Variants in SETD2 observed in about 807,000 individuals in gnomAD.
SETD2 encodes histone-lysine N-methyltransferase SETD2.
A neutral mutation model predicts 242.1 loss-of-function variants in SETD2; 31 were observed. That is an observed-to-expected ratio of 0.13 (90% CI 0.10 to 0.17). The LOEUF is 0.17. Among genes scored for constraint, SETD2 ranks in the 10% least tolerant of loss-of-function variants. SETD2 has a pLI of 1.00. For synonymous variants in SETD2, 1,006 were observed against 1,066.5 expected (o/e 0.94, Z 1.11); for missense variants, 2,481 against 3,046.3 (o/e 0.81, Z 4.37).
At position 47,160,099 on chromosome 3, in the gene SETD2, C is replaced by T. The variant is rs889316046; in HGVS notation, c.71+3755G>A. 2.6e-5 allele frequency among the ~76,000 whole-genome samples: 4 copies of T among 152,168 alleles called. No homozygotes were observed. In the South Asian group the frequency reaches 8.3e-4, roughly 32 times the overall value. On this transcript the variant is annotated intron_variant, in intron 1 of 20. Transcript: ENST00000409792. ...TCTGCCTCAACACCTTGAAACTATTCCCTCTTATTGAAATGCCTTCACCCC... is the reference window on the plus strand; with the variant it reads ...TCTGCCTCAACACCTTGAAACTATTTCCTCTTATTGAAATGCCTTCACCCC...
At chr3:47,061,750 CAAG>C (rs1302503536) in intron 14 of SETD2, among the ~76,000 whole-genome samples, 2 of 152,128 alleles carry the variant, frequency 1.3e-5, no homozygotes, top group African/African-American at 2.4e-5. Context: ...ACCAGCATAA[CAAG>C]AGAGCTTCTG....
rs989809594 is a variant in SETD2, at chr3:47,017,920, A to G, written c.7432-181T>C. On this transcript the variant is annotated intron_variant, in intron 19 of 20. Coordinates refer to ENST00000409792, the MANE Select transcript of SETD2 (RefSeq NM_014159.7). The surrounding 1 kb of genome is among the most constrained non-coding windows in gnomAD (Gnocchi z 4.8). Reference sequence around the variant, plus strand: ...AGCCAGTAAGATCTGAGAAAAGGATACGGGCTCAGCCTGAGAGGGAAAGAG... The same window carrying G: ...AGCCAGTAAGATCTGAGAAAAGGATGCGGGCTCAGCCTGAGAGGGAAAGAG... 1.3e-5 allele frequency among the ~76,000 whole-genome samples: 2 copies of G among 152,238 alleles called. No homozygotes were observed. Among genetic ancestry groups the G allele is most frequent in the African/African-American group, 4.8e-5 (2 of 41,472 alleles).
chr3:47,098,154 A>G lies in SETD2; in HGVS notation c.5016-73T>C, dbSNP rs1380002987. The G allele has an allele frequency of 1.6e-5, 25 of 1,527,574 alleles. No homozygotes were observed. The South Asian group carries it at 2.7e-4, about 17-fold the overall frequency. 94.6% of individuals were successfully genotyped at this position (1,527,574 alleles called of 1,614,324 possible). ...TACAAAACTGTTGGCAATACACACA[A>G]AAGTCATACCAGTCTAAACAAAATC... On this transcript the variant is annotated intron_variant, in intron 8 of 20. Transcript: ENST00000409792.
chr3:47,086,851 T>A, intron 10 of SETD2, among the ~76,000 whole-genome samples: 1 of 151,176 alleles, frequency 6.6e-6, no homozygotes, highest in Non-Finnish European at 1.5e-5. Flanking sequence ...CTGGGCAAAA[T>A]AGCAAGACCC....
At position 47,016,834 on chromosome 3, in the gene SETD2, G is replaced by C. The variant is rs1184064126; in HGVS notation, c.*259C>G. On this transcript the variant is annotated 3_prime_UTR_variant, in exon 21 of 21. Coordinates refer to ENST00000409792, the MANE Select transcript of SETD2 (RefSeq NM_014159.7). ...AGACCCAGGTTTAAGAGTGGAGTCAGGTCTGGCCAGGGTCTTTTCTAAGCC... is the reference window on the plus strand; with the variant it reads ...AGACCCAGGTTTAAGAGTGGAGTCACGTCTGGCCAGGGTCTTTTCTAAGCC... 2.2e-6 allele frequency: 1 copy of C among 458,700 alleles called. No homozygotes were observed. Among genetic ancestry groups the C allele is most frequent in the Non-Finnish European group, 3.9e-6 (1 of 255,060 alleles). 28.4% of individuals were successfully genotyped at this position (458,700 alleles called of 1,614,324 possible).
intron 1 of SETD2, among the ~76,000 whole-genome samples, chr3:47,128,584 G>A (rs1295575339): frequency 6.6e-6 from 1 of 152,130 alleles, no homozygotes; most frequent in Non-Finnish European, 1.5e-5. Context: ...ACCAAGTAAT[G>A]ACAGGGGGAG....
intron 18 of SETD2, among the ~76,000 whole-genome samples, chr3:47,029,965 G>A (rs886254889): frequency 6.6e-6 from 1 of 152,046 alleles, no homozygotes; most frequent in Non-Finnish European, 1.5e-5. Flanking sequence ...AGACCAGCCT[G>A]GCCAACAGGG....
At chr3:47,149,536 T>C (rs1002566659) in intron 1 of SETD2, among the ~76,000 whole-genome samples, 6 of 152,206 alleles carry the variant, frequency 3.9e-5, no homozygotes, top group Non-Finnish European at 8.8e-5. Flanking sequence ...TCATCCTCTC[T>C]CTGTATCCTC....
rs1008367510 is a variant in SETD2 at position 47,163,605 on chromosome 3, C to T, written c.71+249G>A. The T allele has an allele frequency of 2.0e-3, 392 of 200,774 alleles. 2 individuals are homozygous for T. Among genetic ancestry groups the T allele is most frequent in the Non-Finnish European group, 2.9e-3 (297 of 101,344 alleles). 12.4% of individuals were successfully genotyped at this position (200,774 alleles called of 1,614,324 possible). ...GGGACCGTGGCCGCCCCTCCCCCAC[C>T]GGCCCGGCCCAACCGCCGCCGCGAC... is the stretch of plus-strand genomic sequence containing the variant. On this transcript the variant is annotated intron_variant, in intron 1 of 20. Coordinates refer to ENST00000409792, the MANE Select transcript of SETD2 (RefSeq NM_014159.7).
intron 1 of SETD2, among the ~76,000 whole-genome samples, chr3:47,152,684 C>A (rs1036452246): frequency 6.6e-6 from 1 of 152,140 alleles, no homozygotes; most frequent in Non-Finnish European, 1.5e-5. Flanking sequence ...GTGTTGATTA[C>A]GATAATAGTC....
chr3:47,046,546 G>C lies in SETD2; in HGVS notation c.7039C>G (p.Gln2347Glu), dbSNP rs1024557543. The C allele has an allele frequency of 5.0e-6, 8 of 1,613,180 alleles. No individual in the cohort carries two copies. The highest frequency in any genetic ancestry group is 1.3e-5 in the African/African-American group (1 of 74,894). Residue 2347 changes from glutamine to glutamate, a missense_variant, in exon 16 of 21, where the codon CAG becomes GAG. Gln to Glu is a conservative substitution (Grantham distance 29, BLOSUM62 2). Around this residue, in one of 17 missense-constraint regions of SETD2, gnomAD observed 235 missense variants for 293.9 expected, o/e 0.80. Coordinates refer to ENST00000409792, the MANE Select transcript of SETD2 (RefSeq NM_014159.7). ...ATTGTAGTCACTGCTGCGGCTGGCT[G>C]TACCACCACTCCTTGTGGATGAGCT... ...FTAHPQGVVV[Q>E]PAAAVTTIVA...
Position 47,121,213 on chromosome 3 carries a change from C to A in SETD2, c.3423G>T (p.Pro1141=), listed in dbSNP as rs748281167. 4 of 1,614,070 alleles carry A rather than the reference C, an allele frequency of 2.5e-6. No homozygotes were observed. The highest frequency in any genetic ancestry group is 3.4e-6 in the Non-Finnish European group (4 of 1,179,972). ...FFLHKGTEKN[P]EISFTQSSRK... is the part of the protein sequence containing the mutation. ...TACTGGACTGTGTAAAAGAAATTTC[C>A]GGATTCTTCTCTGTTCCTTTATGAA... The change falls in exon 3 of 21, where the codon CCG becomes CCT. Residue 1141 remains proline, a synonymous_variant. Transcript: ENST00000409792.
chr3:47,018,133 A>G (rs1025269495), intron 19 of SETD2, among the ~76,000 whole-genome samples: 4 of 152,212 alleles, frequency 2.6e-5, no homozygotes, highest in Admixed American at 6.5e-5. Flanking sequence ...CAGAGCTTCT[A>G]TGAGGCTTAG....
Position 47,160,262 on chromosome 3 carries a change from C to T in SETD2, c.71+3592G>A, listed in dbSNP as rs145036041. Among the ~76,000 whole-genome samples the T allele has an allele frequency of 1.1e-4, 16 of 152,152 alleles. No individual in the cohort carries two copies. In the East Asian group the frequency reaches 3.1e-3, roughly 29 times the overall value. On this transcript the variant is annotated intron_variant, in intron 1 of 20. Transcript: ENST00000409792. ...ATCCCCCTTACTCTATTCCACTTTC[C>T]AAAGCACTTACCTTTGAACACTCTA...
chr3:47,158,439 A>T (rs1246853301), intron 1 of SETD2, among the ~76,000 whole-genome samples: 2 of 152,162 alleles, frequency 1.3e-5, no homozygotes, highest in African/African-American at 2.4e-5. Flanking sequence ...AGACAGCAAG[A>T]CTAAAACCCC....
chr3:47,142,276 G>A (rs4683318), intron 1 of SETD2, among the ~76,000 whole-genome samples: 4,972 of 152,150 alleles, frequency 0.033, 234 homozygotes, highest in East Asian at 0.13. Flanking sequence ...GGGAGGCTGA[G>A]GCAGTAGGGT....
intron 7 of SETD2, among the ~76,000 whole-genome samples, chr3:47,103,115 T>C (rs2042279042): frequency 6.6e-6 from 1 of 152,176 alleles, no homozygotes; most frequent in Admixed American, 6.5e-5. Flanking sequence ...TTATATATGA[T>C]GTTAACATGG....
chr3:47,098,080 T>G lies in SETD2; in HGVS notation c.5017A>C (p.Lys1673Gln). 1 of 1,613,892 alleles carries G rather than the reference T, an allele frequency of 6.2e-7. No individual in the cohort carries two copies. The stretch of plus-strand genomic sequence containing the variant: ...CCGCAGAAACATTTCTGGGCTTCTT[T>G]TCTGTTCAAAGAGCATAGGAAAGAA... Reference protein sequence around the residue: ...TFDYQFQRYGKEAQKCFCGSA... With the variant: ...TFDYQFQRYGQEAQKCFCGSA... Residue 1673 changes from lysine to glutamine, a missense_variant and splice_region_variant, in exon 9 of 21, where the codon AAA (lysine) becomes CAA (glutamine). By Grantham distance (53) the Lys-to-Gln change is moderately conservative. Coordinates refer to ENST00000409792, the MANE Select transcript of SETD2 (RefSeq NM_014159.7).
chr3:47,023,695 C>T (rs2038341910), intron 18 of SETD2, among the ~76,000 whole-genome samples: 1 of 151,906 alleles, frequency 6.6e-6, no homozygotes, highest in Non-Finnish European at 1.5e-5. Context: ...CAAATAAGAA[C>T]CAATTTTAAA....
Sources: allele counts gnomAD v4.1 joint callset (sites outside exome capture counted in the v4.1 genomes callset), GRCh38; gene constraint gnomAD v4.1.1; regional missense constraint gnomAD v4.1.1; non-coding constraint Gnocchi (gnomAD v3.1); transcripts MANE v1.5; gene names NCBI Gene and HGNC (gene_info 2026-07-23, HGNC 2026-07-21).